Variants in CHRM3 observed in about 807,000 individuals in gnomAD.
CHRM3 encodes the protein cholinergic receptor muscarinic 3.
In CHRM3, 11 loss-of-function variants were observed where a neutral mutation model predicts 41.8. The ratio of observed to expected loss-of-function variants is 0.26; its 90% CI spans 0.17 to 0.44. The LOEUF is 0.44. Among genes scored for constraint, CHRM3 ranks in the 20% least tolerant of loss-of-function variants. The pLI is 1.00. For synonymous variants in CHRM3, 297 were observed against 301.4 expected (o/e 0.99, Z 0.15); for missense variants, 571 against 745.4 (o/e 0.77, Z 2.72).
chr1:239,789,744 C>T (rs769389241), intron 5 of CHRM3, among the ~76,000 whole-genome samples: 7 of 152,190 alleles, frequency 4.6e-5, no homozygotes, highest in Non-Finnish European at 1.0e-4. Flanking sequence ...ACCCAACCAC[C>T]TCCCATTAGG....
chr1:239,423,821 C>T (rs944389243), intron 1 of CHRM3, among the ~76,000 whole-genome samples: 3 of 151,700 alleles, frequency 2.0e-5, no homozygotes, highest in Non-Finnish European at 4.4e-5. Flanking sequence ...TTTGTGGGGC[C>T]GAGGCGGGTG....
chr1:239,742,871 A>G (rs1353932212), intron 5 of CHRM3, among the ~76,000 whole-genome samples: 2 of 152,190 alleles, frequency 1.3e-5, no homozygotes, highest in Non-Finnish European at 2.9e-5. Flanking sequence ...TGAAACCACA[A>G]AAATATTTCT....
chr1:239,829,219 A>G (rs1672706802), intron 6 of CHRM3, among the ~76,000 whole-genome samples: 1 of 152,122 alleles, frequency 6.6e-6, no homozygotes, highest in South Asian at 2.1e-4. Flanking sequence ...AACAGTGGGA[A>G]TTTTGGCCCT....
intron 3 of CHRM3, among the ~76,000 whole-genome samples, chr1:239,551,171 T>A (rs911344917): frequency 2.1e-4 from 30 of 142,830 alleles, no homozygotes; most frequent in Non-Finnish European, 4.1e-4. Context: ...TTTTTTTTTT[T>A]GAGAGAGGGA....
chr1:239,802,605 T>C (rs1213255040), intron 5 of CHRM3, among the ~76,000 whole-genome samples: 2 of 152,120 alleles, frequency 1.3e-5, no homozygotes, highest in Non-Finnish European at 2.9e-5. Context: ...TTAGTTTTGT[T>C]TTTGTTTTCG....
At chr1:239,745,492 T>C (rs1345897438) in intron 5 of CHRM3, among the ~76,000 whole-genome samples, 1 of 152,064 alleles carries the variant, frequency 6.6e-6, no homozygotes, top group East Asian at 1.9e-4. Flanking sequence ...TAATGTTACT[T>C]TTTCTTTTTT....
intron 1 of CHRM3, among the ~76,000 whole-genome samples, chr1:239,465,106 A>G (rs1168615678): frequency 2.0e-5 from 3 of 152,204 alleles, no homozygotes; most frequent in Non-Finnish European, 4.4e-5. Context: ...TAAGATTAAA[A>G]TATAAAATGG....
intron 6 of CHRM3, chr1:239,899,954 A>T (rs1373097518): frequency 6.6e-6 from 1 of 152,198 alleles, no homozygotes; most frequent in Non-Finnish European, 1.5e-5. Context: ...TGCAGGCTGC[A>T]TTCCTAGAAC....
chr1:239,491,346 C>T lies in CHRM3; in HGVS notation c.-520-1363C>T, dbSNP rs891129479. ...AACCAACCTCTGGCTATCTTCCCACCCACTACCCCTCCCAGCCTTCAGTAA... is the reference window on the plus strand; with the variant it reads ...AACCAACCTCTGGCTATCTTCCCACTCACTACCCCTCCCAGCCTTCAGTAA... On this transcript the variant is annotated intron_variant, in intron 1 of 6. Coordinates refer to ENST00000676153, the MANE Select transcript of CHRM3 (RefSeq NM_001375978.1). Among the ~76,000 whole-genome samples the T allele has an allele frequency of 4.6e-5, 7 of 152,288 alleles. No homozygotes were observed. The South Asian group carries it at 1.4e-3, about 32-fold the overall frequency.
chr1:239,634,958 A>G (rs1204912576), intron 4 of CHRM3, among the ~76,000 whole-genome samples: 1 of 152,252 alleles, frequency 6.6e-6, no homozygotes, highest in Non-Finnish European at 1.5e-5. Flanking sequence ...AGTACAAAAT[A>G]ATAGCTTACC....
At chr1:239,652,523 GT>G (rs1573138187) in intron 4 of CHRM3, among the ~76,000 whole-genome samples, 1 of 152,072 alleles carries the variant, frequency 6.6e-6, no homozygotes, top group Non-Finnish European at 1.5e-5. Flanking sequence ...AATTTTACCT[GT>G]TTTTTACTAT....
chr1:239,766,263 A>C (rs1667199452), intron 5 of CHRM3, among the ~76,000 whole-genome samples: 1 of 152,216 alleles, frequency 6.6e-6, no homozygotes, highest in African/African-American at 2.4e-5. Context: ...GGGGAGAATA[A>C]AATGGAGGGA....
intron 3 of CHRM3, among the ~76,000 whole-genome samples, chr1:239,587,251 G>A (rs1663518546): frequency 6.6e-6 from 1 of 152,130 alleles, no homozygotes; most frequent in Non-Finnish European, 1.5e-5. Context: ...ACTTGCCACA[G>A]AGAGACAGTA....
intron 6 of CHRM3, among the ~76,000 whole-genome samples, chr1:239,854,698 C>T (rs567994379): frequency 6.6e-6 from 1 of 152,176 alleles, no homozygotes; most frequent in East Asian, 1.9e-4. Context: ...AGAAGAAATA[C>T]ACTTACAAAA....
At chr1:239,826,212 C>T (rs1275609120) in intron 5 of CHRM3, among the ~76,000 whole-genome samples, 2 of 152,152 alleles carry the variant, frequency 1.3e-5, no homozygotes, top group African/African-American at 4.8e-5. Context: ...TATTTTACTA[C>T]AATTTTTTAA....
intron 3 of CHRM3, among the ~76,000 whole-genome samples, chr1:239,588,727 C>A (rs527456462): frequency 3.3e-5 from 5 of 152,260 alleles, no homozygotes; most frequent in Non-Finnish European, 5.9e-5. Context: ...CTGCTAATAA[C>A]AGGTACAACT....
At chr1:239,715,826 G>T (rs955992511) in intron 5 of CHRM3, among the ~76,000 whole-genome samples, 2 of 152,100 alleles carry the variant, frequency 1.3e-5, no homozygotes, top group Non-Finnish European at 2.9e-5. Context: ...GGACAGGAGG[G>T]CTTTGCTGAG....
chr1:239,623,483 GTTTTTTTTTTTTTAA>G (rs1417335766), intron 3 of CHRM3, among the ~76,000 whole-genome samples: 99 of 133,564 alleles, frequency 7.4e-4, no homozygotes, highest in African/African-American at 2.8e-3. Flanking sequence ...TGGTGTATAA[GTTTTTTTTTTTTTAA>G]TTTTTTTTTT....
intron 1 of CHRM3, among the ~76,000 whole-genome samples, chr1:239,485,476 G>T (rs769191059): frequency 6.6e-6 from 1 of 152,050 alleles, no homozygotes; most frequent in Non-Finnish European, 1.5e-5. Flanking sequence ...AGAGATGAGG[G>T]TCTCACTATA....
Sources: gnomAD v4.1 joint callset for allele counts (sites outside exome capture counted in the v4.1 genomes callset) on GRCh38, gnomAD v4.1.1 for gene constraint, MANE v1.5 for transcripts, NCBI Gene and HGNC (gene_info 2026-07-23, HGNC 2026-07-21) for gene names.